Variants in PPP1R13L observed in about 807,000 individuals in gnomAD.
PPP1R13L encodes the protein protein phosphatase 1 regulatory subunit 13 like.
Under a neutral mutation model 80.9 loss-of-function variants are expected in PPP1R13L, and 50 were observed. The observed-to-expected ratio is 0.62, with a 90% CI of 0.49 to 0.78. PPP1R13L has a LOEUF of 0.78. PPP1R13L is among the 30% of genes least tolerant of loss of function. PPP1R13L has a pLI of 0.00. For missense variants in PPP1R13L, 1,200 were observed against 1,205.9 expected (o/e 1.00, Z 0.07); for synonymous variants, 602 against 534.3 (o/e 1.13, Z -1.75).
At chr19:45,405,084 G>A (rs2123410983), upstream of PPP1R13L, 2 of 984,940 alleles carry the variant, frequency 2.0e-6, no homozygotes, top group Non-Finnish European at 2.4e-6. Flanking sequence ...GGCAGGAGCT[G>A]GGAACAGGTT....
At position 45,398,338 on chromosome 19, in the gene PPP1R13L, G is replaced by A. The variant is rs767761508; in HGVS notation, c.-20C>T. 1.2e-6 allele frequency: 2 copies of A among 1,612,812 alleles called. No homozygotes were observed. The highest frequency in any genetic ancestry group is 2.7e-5 in the African/African-American group (2 of 75,016). On this transcript the variant is annotated splice_region_variant and 5_prime_UTR_variant, in exon 2 of 13. Coordinates refer to ENST00000360957, the MANE Select transcript of PPP1R13L (RefSeq NM_006663.4). ...GTCCATGGTGCCGGCCGGAGCGGGC[G>A]CCTGCATGGTGGGGAGGGAGGGAGC...
At position 45,396,244 on chromosome 19, in the gene PPP1R13L, G is replaced by T; in HGVS notation, c.827C>A (p.Ala276Glu). The T allele has an allele frequency of 6.2e-7, 1 of 1,610,556 alleles. No individual in the cohort carries two copies. The stretch of plus-strand genomic sequence containing the variant: ...CTGCAGGCTCGGCGAGGCAGGCCTT[G>T]CGAAGACGTCCAGGCCTGCGGGGCG... ...TASYERLDVF[A>E]RPASPSLQLL... Residue 276 changes from alanine (A) to glutamate (E), a missense_variant, in exon 6 of 13, where the codon GCA (alanine) becomes GAA (glutamate). Transcript: ENST00000360957. This position sits in a 1 kb window ranked among gnomAD's most constrained non-coding sequence, Gnocchi z 5.3.
rs773797995 is a variant in PPP1R13L, at chr19:45,380,059, G to A, written c.*131C>T. On this transcript the variant is annotated 3_prime_UTR_variant, in exon 13 of 13. Transcript: ENST00000360957. ...TTCCCTGGACTTCCAGGAGAACAGA[G>A]AACCGGTGGCAAGGACCACCACCAG... 1 of 991,042 alleles carries A rather than the reference G, an allele frequency of 1.0e-6. No homozygotes were observed. Among genetic ancestry groups the A allele is most frequent in the Non-Finnish European group, 1.5e-6 (1 of 651,590 alleles). The allele number at this position is 991,042 out of a possible 1,614,324, so 61.4% of individuals were successfully genotyped here.
At chr19:45,381,777 A>AC (rs1482241550) in intron 12 of PPP1R13L, among the ~76,000 whole-genome samples, 1 of 150,602 alleles carries the variant, frequency 6.6e-6, no homozygotes, top group African/African-American at 2.4e-5. Flanking sequence ...CAAAATACAA[A>AC]AAAAAAAAAA....
At chr19:45,405,815 C>T (rs11882644), upstream of PPP1R13L, among the ~76,000 whole-genome samples, 3,294 of 152,296 alleles carry the variant, frequency 0.022, 122 homozygotes, top group African/African-American at 0.076. Flanking sequence ...CGTCTCGCGG[C>T]TCCAACCGCC....
At chr19:45,381,807 G>A (rs1972767605) in intron 12 of PPP1R13L, among the ~76,000 whole-genome samples, 2 of 151,958 alleles carry the variant, frequency 1.3e-5, no homozygotes, top group Admixed American at 1.3e-4. Context: ...GTGCGTGGTG[G>A]CATGCGCCTG....
In PPP1R13L at chr19:45,397,987, G is replaced by A. The variant is rs751380617; in HGVS notation, c.198+18C>T. On this transcript the variant is annotated intron_variant, in intron 3 of 12. Transcript: ENST00000360957. Reference sequence around the variant, plus strand: ...GCGAGAGGCTGGCTTTGGAGATCAAGGTGGGAACCAGGCTTACCCTAGAAG... The same window carrying A: ...GCGAGAGGCTGGCTTTGGAGATCAAAGTGGGAACCAGGCTTACCCTAGAAG... 9 of 1,598,252 alleles carry A rather than the reference G, an allele frequency of 5.6e-6. No individual in the cohort carries two copies. In the Admixed American group the frequency reaches 1.2e-4, roughly 21 times the overall value.
At position 45,398,283 on chromosome 19, in the gene PPP1R13L, A is replaced by G. The variant is rs777995056; in HGVS notation, c.36T>C (p.Phe12=). ...GCTTACACTGGAAGTTCATGTCCAG[A>G]AAGTCCCGCGCGCTCTGGAATGCCT... ...DSEAFQSARD[F]LDMNFQSLAM... is the part of the protein sequence containing the mutation. Residue 12 remains phenylalanine, a synonymous_variant, in exon 2 of 13, where the codon TTT becomes TTC. Transcript: ENST00000360957. 3.7e-6 allele frequency: 6 copies of G among 1,613,920 alleles called. No homozygotes were observed. Among genetic ancestry groups the G allele is most frequent in the Non-Finnish European group, 5.1e-6 (6 of 1,179,932 alleles).
At chr19:45,401,136 G>A (rs1226917224) in intron 1 of PPP1R13L, among the ~76,000 whole-genome samples, 1 of 151,202 alleles carries the variant, frequency 6.6e-6, no homozygotes, top group South Asian at 2.1e-4. Context: ...GGAGGATCAC[G>A]AGGTCAGGAG....
At chr19:45,389,025 A>G (rs1362749563) in intron 8 of PPP1R13L, among the ~76,000 whole-genome samples, 2 of 152,330 alleles carry the variant, frequency 1.3e-5, no homozygotes, top group East Asian at 1.9e-4. Context: ...GGCATGAGCC[A>G]CCGTGCCCAG....
chr19:45,396,792 A>G lies in PPP1R13L; in HGVS notation c.465T>C (p.Arg155=). Residue 155 remains arginine (R), a synonymous_variant, in exon 4 of 13, where the codon CGT becomes CGC. Transcript: ENST00000360957. The surrounding 1 kb of genome is among the most constrained non-coding windows in gnomAD (Gnocchi z 5.3). The stretch of plus-strand genomic sequence containing the variant: ...CTGGCCCGGGCCGCGGGGAGGGCGC[A>G]CGGCCGAGGGAGCTGCCTGCGCCAT... The part of the protein sequence containing the change: ...AFDGAGSSLG[R]APSPRPGPGP... 7.3e-7 allele frequency: 1 copy of G among 1,376,816 alleles called. No individual in the cohort carries two copies. The highest frequency in any genetic ancestry group is 9.3e-7 in the Non-Finnish European group (1 of 1,075,118). The allele number at this position is 1,376,816 out of a possible 1,614,324, so 85.3% of individuals were successfully genotyped here.
At chr19:45,386,207 G>T (rs781440227) in intron 8 of PPP1R13L, 27 bp from the exon 9 acceptor site, 35 of 1,483,520 alleles carry the variant, frequency 2.4e-5, no homozygotes, top group Non-Finnish European at 2.9e-5. Context: ...AGAGGTCAGC[G>T]ACTTGGAGGG....
intron 7 of PPP1R13L, chr19:45,392,829 C>A: frequency 4.3e-6 from 1 of 232,146 alleles, no homozygotes; most frequent in Non-Finnish European, 8.5e-6. Context: ...ATGATTTCTT[C>A]TCTGTCTTAC....
chr19:45,403,293 T>C (rs984321360), intron 1 of PPP1R13L, among the ~76,000 whole-genome samples: 1 of 152,146 alleles, frequency 6.6e-6, no homozygotes, highest in African/African-American at 2.4e-5. Context: ...GGGTCCAGAC[T>C]CAATGTAATT....
intron 8 of PPP1R13L, among the ~76,000 whole-genome samples, chr19:45,389,963 T>G (rs1386231307): frequency 6.6e-6 from 1 of 151,574 alleles, no homozygotes; most frequent in Non-Finnish European, 1.5e-5. Context: ...CCAGCTAATT[T>G]TTGTATTTTT....
At chr19:45,393,400 G>A (rs769926242) in intron 7 of PPP1R13L, among the ~76,000 whole-genome samples, 19 of 151,052 alleles carry the variant, frequency 1.3e-4, no homozygotes, top group Non-Finnish European at 2.1e-4. Context: ...AGACCAGCCT[G>A]GCCAACATGG....
chr19:45,381,800 C>T (rs1263306421), intron 12 of PPP1R13L, among the ~76,000 whole-genome samples: 8 of 149,824 alleles, frequency 5.3e-5, no homozygotes, highest in Non-Finnish European at 1.2e-4. Flanking sequence ...ATTAGCCGTG[C>T]GTGGTGGCAT....
In PPP1R13L at chr19:45,379,728, G is replaced by A; in HGVS notation, c.*462C>T. ...GTGCTGTGTGAAGGCACTTAATTGG[G>A]GAGAGGTGGGGCAGGGATCCTGGTA... On this transcript the variant is annotated 3_prime_UTR_variant, in exon 13 of 13. Coordinates refer to ENST00000360957, the MANE Select transcript of PPP1R13L (RefSeq NM_006663.4). 6.3e-6 allele frequency: 1 copy of A among 159,840 alleles called. No homozygotes were observed. Among genetic ancestry groups the A allele is most frequent in the Non-Finnish European group, 1.4e-5 (1 of 72,826 alleles). The allele number at this position is 159,840 out of a possible 1,614,324, so 9.9% of individuals were successfully genotyped here.
intron 8 of PPP1R13L, among the ~76,000 whole-genome samples, chr19:45,391,494 A>G (rs35672228): frequency 3.9e-5 from 6 of 152,154 alleles, no homozygotes; most frequent in Non-Finnish European, 8.8e-5. Flanking sequence ...TAAAGACTAC[A>G]TTTCCCAGCA....
Sources: gnomAD v4.1 joint callset for allele counts (sites outside exome capture counted in the v4.1 genomes callset) on GRCh38, gnomAD v4.1.1 for gene constraint, Gnocchi (gnomAD v3.1) non-coding constraint, MANE v1.5 for transcripts, NCBI Gene and HGNC (gene_info 2026-07-23, HGNC 2026-07-21) for gene names.